Variants in DRC8 observed in about 807,000 individuals in gnomAD.
DRC8 encodes the protein dynein regulatory complex protein 8.
the DRC8 span, among the ~76,000 whole-genome samples, chr1:245,038,847 A>G: frequency 1.3e-5 from 2 of 152,038 alleles, no homozygotes; most frequent in Admixed American, 1.3e-4. Flanking sequence ...AAGTAGAAAG[A>G]TTTTAAAATT....
At chr1:245,065,073 CTTTTT>C in the DRC8 span, among the ~76,000 whole-genome samples, 11 of 81,590 alleles carry the variant, frequency 1.3e-4, no homozygotes, top group Admixed American at 3.4e-4. Context: ...TAACATTCTT[CTTTTT>C]TTTTTTTTTT....
the DRC8 span, among the ~76,000 whole-genome samples, chr1:245,046,163 T>C: frequency 5.8e-3 from 888 of 152,350 alleles, 2 homozygotes; most frequent in Non-Finnish European, 9.7e-3. Flanking sequence ...GTTATATTTT[T>C]GTTTCATTTT....
the DRC8 span, among the ~76,000 whole-genome samples, chr1:245,114,564 G>A: frequency 1.3e-5 from 2 of 152,142 alleles, no homozygotes; most frequent in Non-Finnish European, 2.9e-5. Flanking sequence ...TTGGCCAGCA[G>A]CCGGTTCCTG....
the DRC8 span, chr1:245,107,104 A>G: frequency 6.6e-6 from 1 of 152,244 alleles, no homozygotes; most frequent in Non-Finnish European, 1.5e-5. Context: ...AACTAGAACT[A>G]TTTCCAAACA....
the DRC8 span, among the ~76,000 whole-genome samples, chr1:244,988,572 T>C: frequency 6.6e-6 from 1 of 152,208 alleles, no homozygotes; most frequent in Non-Finnish European, 1.5e-5. Context: ...AAAATATTGT[T>C]AGTGAAATGT....
the DRC8 span, among the ~76,000 whole-genome samples, chr1:245,056,696 G>A: frequency 1.3e-5 from 2 of 152,152 alleles, no homozygotes; most frequent in African/African-American, 4.8e-5. Context: ...CCAGCACTTT[G>A]GGAGGCTGAG....
chr1:244,986,119 C>T, the DRC8 span, among the ~76,000 whole-genome samples: 1 of 150,934 alleles, frequency 6.6e-6, no homozygotes, highest in Non-Finnish European at 1.5e-5. Context: ...CCATGCCTGG[C>T]TAATTTTATA....
chr1:245,061,102 A>G, the DRC8 span, among the ~76,000 whole-genome samples: 22 of 152,246 alleles, frequency 1.4e-4, 1 homozygote, highest in Non-Finnish European at 2.9e-5. Context: ...ATCTAGTACT[A>G]GAAGATCTGA....
the DRC8 span, among the ~76,000 whole-genome samples, chr1:245,023,860 C>T: frequency 6.6e-6 from 1 of 151,970 alleles, no homozygotes; most frequent in Non-Finnish European, 1.5e-5. Context: ...ATCAATATAT[C>T]TTGACTATTT....
the DRC8 span, among the ~76,000 whole-genome samples, chr1:245,023,473 G>C: frequency 6.6e-6 from 1 of 152,184 alleles, no homozygotes; most frequent in Non-Finnish European, 1.5e-5. Flanking sequence ...CAGCGGCTGC[G>C]CCATGCTGCA....
the DRC8 span, chr1:245,086,798 GC>G: frequency 1.9e-6 from 1 of 533,566 alleles, no homozygotes; most frequent in African/African-American, 1.9e-5. Flanking sequence ...GAAGTGACTT[GC>G]TCAAGATCTC....
the DRC8 span, among the ~76,000 whole-genome samples, chr1:245,006,469 T>G: frequency 3.3e-5 from 5 of 151,846 alleles, no homozygotes; most frequent in Non-Finnish European, 7.4e-5. Flanking sequence ...CCCAGCTAAT[T>G]TTTTTTTGTA....
the DRC8 span, chr1:245,083,601 C>A: frequency 1.2e-6 from 2 of 1,601,330 alleles, no homozygotes; most frequent in Admixed American, 1.7e-5. Flanking sequence ...AATATAATAT[C>A]TATCTTTTCT....
the DRC8 span, among the ~76,000 whole-genome samples, chr1:245,057,094 C>T: frequency 3.9e-5 from 6 of 152,090 alleles, no homozygotes; most frequent in African/African-American, 9.7e-5. Flanking sequence ...AGTTACAGCT[C>T]GAAGTTGGCC....
chr1:245,013,746 CTG>C, the DRC8 span, among the ~76,000 whole-genome samples: 1 of 151,956 alleles, frequency 6.6e-6, no homozygotes. Context: ...GTAGTTAACT[CTG>C]GGCCGGGCGC....
chr1:245,066,481 G>A, the DRC8 span, among the ~76,000 whole-genome samples: 5 of 152,156 alleles, frequency 3.3e-5, no homozygotes, highest in African/African-American at 1.2e-4. Context: ...CTACAAAAGA[G>A]TATAAAGTGA....
chr1:245,082,249 G>T, the DRC8 span: 2 of 1,213,776 alleles, frequency 1.6e-6, no homozygotes, highest in Non-Finnish European at 2.4e-6. Context: ...TTTTCACTTT[G>T]TGTGTTATAC....
the DRC8 span, among the ~76,000 whole-genome samples, chr1:245,121,708 C>T: frequency 6.6e-6 from 1 of 152,012 alleles, no homozygotes; most frequent in Non-Finnish European, 1.5e-5. Flanking sequence ...TGAACCAAAA[C>T]GAGGGCTGTC....
At chr1:244,992,410 A>C in the DRC8 span, among the ~76,000 whole-genome samples, 1 of 152,162 alleles carries the variant, frequency 6.6e-6, no homozygotes, top group African/African-American at 2.4e-5. Context: ...GAATTTGCAA[A>C]ATTTCTTAAA....
Sources: gnomAD v4.1 joint callset for allele counts (sites outside exome capture counted in the v4.1 genomes callset) on GRCh38, gnomAD v4.1.1 for gene constraint, MANE v1.5 for transcripts, NCBI Gene and HGNC (gene_info 2026-07-23, HGNC 2026-07-21) for gene names.